GALNT7: variants seen among roughly 807,000 people sequenced by gnomAD.
GALNT7 encodes the protein polypeptide N-acetylgalactosaminyltransferase 7, also known as N-acetylgalactosaminyltransferase 7.
A neutral mutation model predicts 82.1 loss-of-function variants in GALNT7; 60 were observed. The ratio of observed to expected loss-of-function variants is 0.73; its 90% CI spans 0.59 to 0.91. The LOEUF is 0.91. Ranked by LOEUF, GALNT7 falls within the 40% of genes least tolerant of loss-of-function variation. The pLI is 0.00. For synonymous variants in GALNT7, 243 were observed against 275.1 expected, an observed-to-expected ratio of 0.88 and a Z score of 1.15; for missense variants, 660 against 804.2, an observed-to-expected ratio of 0.82 and a Z score of 2.17.
At chr4:173,271,612 A>T (rs1037498376) in intron 2 of GALNT7, among the ~76,000 whole-genome samples, 7 of 152,144 alleles carry the variant, frequency 4.6e-5, no homozygotes, top group African/African-American at 1.7e-4. Flanking sequence ...GTGCACCATC[A>T]GGCGTGGCTA....
At chr4:173,281,108 C>G (rs537232396) in intron 2 of GALNT7, among the ~76,000 whole-genome samples, 2 of 152,268 alleles carry the variant, frequency 1.3e-5, no homozygotes, top group Admixed American at 1.3e-4. Context: ...CCTTTTCTCT[C>G]TAGCATCCTG....
chr4:173,239,978 A>G (rs1372409388), intron 1 of GALNT7, among the ~76,000 whole-genome samples: 1 of 152,196 alleles, frequency 6.6e-6, no homozygotes, highest in Non-Finnish European at 1.5e-5. Context: ...ATTTACTAAT[A>G]TCACTGCCAA....
rs959030914 is a variant in GALNT7 at position 173,321,744 on chromosome 4, C to T, written c.*27C>T. ...GAGAAAAAAATAAACCAATAACCTACCTACTGACAAGTAAATTTATACAGG... is the reference window on the plus strand; with the variant it reads ...GAGAAAAAAATAAACCAATAACCTATCTACTGACAAGTAAATTTATACAGG... On this transcript the variant is annotated 3_prime_UTR_variant, in exon 12 of 12. Transcript: ENST00000265000. 5.9e-6 allele frequency: 9 copies of T among 1,532,352 alleles called. No homozygotes were observed. Among genetic ancestry groups the T allele is most frequent in the African/African-American group, 5.5e-5 (4 of 73,052 alleles). 94.9% of individuals were successfully genotyped at this position (1,532,352 alleles called of 1,614,324 possible). A position where few individuals can be genotyped will look rare whatever the true frequency, so the allele number is the denominator to read the frequency against.
In GALNT7 at chr4:173,284,681, A is replaced by T. The variant is rs151115356; in HGVS notation, c.588-7427A>T. ...GGATATTATGAAATAAAATTTTACC[A>T]TAAGTCATTTGTTTTGCCAAAACAA... On this transcript the variant is annotated intron_variant, in intron 2 of 11. Coordinates refer to ENST00000265000, the MANE Select transcript of GALNT7 (RefSeq NM_017423.3). 2.0e-3 allele frequency among the ~76,000 whole-genome samples: 304 copies of T among 152,234 alleles called. 2 individuals are homozygous for T. Among genetic ancestry groups the T allele is most frequent in the African/African-American group, 6.8e-3 (284 of 41,564 alleles).
chr4:173,321,721 G>A lies in GALNT7; in HGVS notation c.*4G>A, dbSNP rs1228930216. 6.3e-7 allele frequency: 1 copy of A among 1,599,972 alleles called. No homozygotes were observed. The highest frequency in any genetic ancestry group is 1.3e-5 in the African/African-American group (1 of 74,320). The stretch of plus-strand genomic sequence containing the variant: ...GAATAACATCCATAGTGTTTAGAGA[G>A]AAAAAAATAAACCAATAACCTACCT... On this transcript the variant is annotated 3_prime_UTR_variant, in exon 12 of 12. Transcript: ENST00000265000.
intron 9 of GALNT7, chr4:173,316,524 A>C (rs1737611199): frequency 6.6e-6 from 1 of 152,184 alleles, no homozygotes; most frequent in South Asian, 2.1e-4. Context: ...GAATGGAGGC[A>C]GGGGCCCACA....
chr4:173,266,135 C>T (rs956609837), intron 2 of GALNT7, among the ~76,000 whole-genome samples: 1 of 152,182 alleles, frequency 6.6e-6, no homozygotes, highest in African/African-American at 2.4e-5. Flanking sequence ...TGGCGTGCGG[C>T]CATGATCCCA....
At chr4:173,288,301 A>AAAAAAAAAG (rs1289159201) in intron 2 of GALNT7, among the ~76,000 whole-genome samples, 1 of 148,254 alleles carries the variant, frequency 6.7e-6, no homozygotes, top group African/African-American at 2.6e-5. Context: ...AAAAAAAAAA[A>AAAAAAAAAG]AAAAGAAAAG....
chr4:173,178,066 T>TGC (rs1554019752), intron 1 of GALNT7, among the ~76,000 whole-genome samples: 2 of 117,824 alleles, frequency 1.7e-5, no homozygotes, highest in African/African-American at 3.3e-5. Flanking sequence ...CGCACGCGCG[T>TGC]GCGCACAGAC....
Position 173,303,125 on chromosome 4 carries a change from G to A in GALNT7, c.1267-871G>A, listed in dbSNP as rs369306087. ...CAGGGGAATTGCTTGAATCTGGGAG[G>A]CGGAGATTGTAGTGAGCCGAGATCG... On this transcript the variant is annotated intron_variant, in intron 7 of 11. Coordinates refer to ENST00000265000, the MANE Select transcript of GALNT7 (RefSeq NM_017423.3). Among the ~76,000 whole-genome samples the A allele has an allele frequency of 5.9e-5, 9 of 152,162 alleles. No individual in the cohort carries two copies. The East Asian group carries it at 7.7e-4, about 13-fold the overall frequency.
Position 173,322,650 on chromosome 4 carries a change from G to A in GALNT7, c.*933G>A, listed in dbSNP as rs1364775006. On this transcript the variant is annotated 3_prime_UTR_variant, in exon 12 of 12. Transcript: ENST00000265000. ...GTTGTTATTGTTATCCCTTGAAAGC[G>A]AGGGTGACAAAAACAACAAAACACC... 1 of 152,150 alleles carries A rather than the reference G, an allele frequency of 6.6e-6. No individual in the cohort carries two copies. The allele number at this position is 152,150 out of a possible 1,614,324, so 9.4% of individuals were successfully genotyped here.
At chr4:173,170,017 C>G (rs958299489) in intron 1 of GALNT7, among the ~76,000 whole-genome samples, 1 of 152,112 alleles carries the variant, frequency 6.6e-6, no homozygotes, top group African/African-American at 2.4e-5. Flanking sequence ...TCAGGCGCCT[C>G]GGAACATTAG....
At chr4:173,206,277 G>A (rs1306562748) in intron 1 of GALNT7, among the ~76,000 whole-genome samples, 4 of 152,246 alleles carry the variant, frequency 2.6e-5, no homozygotes, top group Admixed American at 1.3e-4. Context: ...TGGGAGTGGG[G>A]TGATGCAAGT....
intron 11 of GALNT7, among the ~76,000 whole-genome samples, chr4:173,319,245 A>G (rs1057178445): frequency 6.6e-6 from 1 of 152,064 alleles, no homozygotes; most frequent in Non-Finnish European, 1.5e-5. Context: ...ATTTATTATT[A>G]AACAAAAAGT....
In GALNT7 at chr4:173,297,806, C is replaced by T. The variant is rs961431159; in HGVS notation, c.966-309C>T. On this transcript the variant is annotated intron_variant, in intron 5 of 11. Transcript: ENST00000265000. ...TGTAAATGTTTCAGAACTACATGTA[C>T]TGTGCCTCTAATAGATTACATAGAT... 7.7e-6 allele frequency: 11 copies of T among 1,430,232 alleles called. No homozygotes were observed. In the Admixed American group the frequency reaches 1.5e-4, roughly 19 times the overall value. The allele number at this position is 1,430,232 out of a possible 1,614,324, so 88.6% of individuals were successfully genotyped here. A position where few individuals can be genotyped will look rare whatever the true frequency, so the allele number is the denominator to read the frequency against.
chr4:173,315,474 C>T (rs1237103488), intron 9 of GALNT7, among the ~76,000 whole-genome samples: 1 of 152,076 alleles, frequency 6.6e-6, no homozygotes, highest in East Asian at 1.9e-4. Context: ...CATTTGGGGC[C>T]ATCAGCAGGT....
chr4:173,209,471 C>T (rs920012214), intron 1 of GALNT7, among the ~76,000 whole-genome samples: 1 of 152,218 alleles, frequency 6.6e-6, no homozygotes, highest in Admixed American at 6.5e-5. Context: ...GCCAATAATT[C>T]TAGTCTTCTC....
At chr4:173,222,948 A>G (rs1279939244) in intron 1 of GALNT7, among the ~76,000 whole-genome samples, 5 of 152,232 alleles carry the variant, frequency 3.3e-5, no homozygotes, top group African/African-American at 1.2e-4. Context: ...GTTAGAGGTT[A>G]GACTGCTAGT....
intron 1 of GALNT7, among the ~76,000 whole-genome samples, chr4:173,209,152 T>C (rs1285045705): frequency 1.3e-5 from 2 of 152,222 alleles, no homozygotes; most frequent in African/African-American, 4.8e-5. Flanking sequence ...TGCCAAACTT[T>C]TAATTATTGC....
Sources: gnomAD v4.1 joint callset for allele counts (sites outside exome capture counted in the v4.1 genomes callset) on GRCh38, gnomAD v4.1.1 for gene constraint, MANE v1.5 for transcripts, NCBI Gene and HGNC (gene_info 2026-07-23, HGNC 2026-07-21) for gene names.